NREP: variants seen among roughly 807,000 people sequenced by gnomAD.
NREP encodes neuronal regeneration related protein.
Under a neutral mutation model 8.6 loss-of-function variants are expected in NREP, and 5 were observed. The observed-to-expected ratio is 0.58, with a 90% CI of 0.30 to 1.22. The LOEUF is 1.22. NREP is among the 50% of genes most tolerant of loss of function. NREP has a pLI of 0.07. For synonymous variants in NREP, 27 were observed against 28.0 expected, an observed-to-expected ratio of 0.96 and a Z score of 0.11; for missense variants, 86 against 82.5, an observed-to-expected ratio of 1.04 and a Z score of -0.17.
chr5:111,964,258 T>G (rs895231524), intron 2 of NREP, among the ~76,000 whole-genome samples: 3 of 152,274 alleles, frequency 2.0e-5, no homozygotes, highest in African/African-American at 7.2e-5. Flanking sequence ...TATTTTGAGA[T>G]TTAACAAAGT....
At chr5:111,914,697 C>T (rs1201893330) in intron 2 of NREP, among the ~76,000 whole-genome samples, 1 of 152,028 alleles carries the variant, frequency 6.6e-6, no homozygotes, top group African/African-American at 2.4e-5. Flanking sequence ...CTGAGAGATC[C>T]TTTGTCTCAG....
At chr5:111,922,331 G>A (rs1260642581) in intron 2 of NREP, among the ~76,000 whole-genome samples, 3 of 152,076 alleles carry the variant, frequency 2.0e-5, no homozygotes, top group Non-Finnish European at 4.4e-5. Context: ...TAAATGAAGA[G>A]CCATTGTCAC....
chr5:111,737,267 C>G (rs1749210386), intron 2 of NREP, among the ~76,000 whole-genome samples: 1 of 152,190 alleles, frequency 6.6e-6, no homozygotes, highest in Non-Finnish European at 1.5e-5. Context: ...AGACTTATAA[C>G]AAAGTCACAG....
intron 2 of NREP, among the ~76,000 whole-genome samples, chr5:111,921,321 G>A (rs1755233098): frequency 6.6e-6 from 1 of 152,108 alleles, no homozygotes. Flanking sequence ...CAGGAGAATA[G>A]TGGTCCTGCC....
intron 2 of NREP, among the ~76,000 whole-genome samples, chr5:111,839,741 TTAA>T (rs1561688244): frequency 6.6e-6 from 1 of 152,132 alleles, no homozygotes; most frequent in Non-Finnish European, 1.5e-5. Context: ...ATATAAAGTC[TTAA>T]TAAATATTTA....
At chr5:111,903,900 A>C (rs1754712387) in intron 2 of NREP, among the ~76,000 whole-genome samples, 1 of 152,176 alleles carries the variant, frequency 6.6e-6, no homozygotes, top group Non-Finnish European at 1.5e-5. Flanking sequence ...CTGAAAGCTC[A>C]CAATTCCTGG....
intron 2 of NREP, among the ~76,000 whole-genome samples, chr5:111,893,182 A>T (rs537437780): frequency 2.0e-5 from 3 of 152,306 alleles, no homozygotes; most frequent in Non-Finnish European, 2.9e-5. Context: ...CAGCAGCTGC[A>T]AATAATTTCT....
intron 2 of NREP, among the ~76,000 whole-genome samples, chr5:111,964,368 T>C (rs1756567203): frequency 6.6e-6 from 1 of 152,128 alleles, no homozygotes; most frequent in Non-Finnish European, 1.5e-5. Flanking sequence ...ATTCCACTGT[T>C]TTGGGGGGGT....
intron 2 of NREP, among the ~76,000 whole-genome samples, chr5:111,789,453 T>G (rs112560756): frequency 6.6e-6 from 1 of 152,328 alleles, no homozygotes; most frequent in African/African-American, 2.4e-5. Context: ...AGAATAAAAA[T>G]TATTAGTGCC....
At chr5:111,920,363 T>C (rs1244130967) in intron 2 of NREP, among the ~76,000 whole-genome samples, 1 of 152,118 alleles carries the variant, frequency 6.6e-6, no homozygotes, top group African/African-American at 2.4e-5. Flanking sequence ...TACATATGTA[T>C]ACGTGTGTCA....
chr5:111,782,745 T>C (rs1290256280), intron 2 of NREP, among the ~76,000 whole-genome samples: 2 of 150,774 alleles, frequency 1.3e-5, no homozygotes, highest in South Asian at 4.2e-4. Context: ...CTTTTTTTTT[T>C]CTTTTTTTTT....
intron 2 of NREP, among the ~76,000 whole-genome samples, chr5:111,772,522 T>A (rs1581106066): frequency 1.3e-5 from 2 of 152,128 alleles, no homozygotes; most frequent in East Asian, 3.9e-4. Context: ...CAGCAAGTCA[T>A]GGTTTGGTTT....
chr5:111,770,665 G>C (rs1239574002), intron 2 of NREP, among the ~76,000 whole-genome samples: 1 of 142,340 alleles, frequency 7.0e-6, no homozygotes, highest in Non-Finnish European at 1.5e-5. Context: ...CCCCCTCCCA[G>C]GCTGAAGCCA....
intron 2 of NREP, among the ~76,000 whole-genome samples, chr5:111,835,370 A>G (rs957761132): frequency 6.6e-6 from 1 of 152,154 alleles, no homozygotes; most frequent in African/African-American, 2.4e-5. Flanking sequence ...ATAAGACCTT[A>G]TACCTGCCCA....
intron 2 of NREP, among the ~76,000 whole-genome samples, chr5:111,885,925 G>A (rs1754233679): frequency 6.6e-6 from 1 of 152,148 alleles, no homozygotes; most frequent in African/African-American, 2.4e-5. Context: ...AGGACTTCAT[G>A]TCTAAAACAC....
At chr5:111,805,542 TAACTG>T (rs1196170236) in intron 2 of NREP, among the ~76,000 whole-genome samples, 6 of 152,202 alleles carry the variant, frequency 3.9e-5, no homozygotes, top group Non-Finnish European at 8.8e-5. Flanking sequence ...AATATATTGT[TAACTG>T]AACAAAGCAA....
intron 1 of NREP, chr5:111,756,166 C>T (rs1750689965): frequency 2.9e-6 from 3 of 1,046,852 alleles, no homozygotes; most frequent in Non-Finnish European, 3.5e-6. Context: ...GCTCTTTGTT[C>T]CCAGACATAC....
chr5:111,801,191 A>G (rs1004328909), intron 2 of NREP, among the ~76,000 whole-genome samples: 1 of 152,244 alleles, frequency 6.6e-6, no homozygotes, highest in Non-Finnish European at 1.5e-5. Flanking sequence ...AGAATTTACA[A>G]TTACAAATGT....
chr5:111,907,310 T>C (rs780368211), intron 2 of NREP, among the ~76,000 whole-genome samples: 1 of 152,150 alleles, frequency 6.6e-6, no homozygotes, highest in Non-Finnish European at 1.5e-5. Flanking sequence ...GGTACTTTTA[T>C]AGTTTAATAT....
Sources: gnomAD v4.1 joint callset for allele counts (sites outside exome capture counted in the v4.1 genomes callset) on GRCh38, gnomAD v4.1.1 for gene constraint, MANE v1.5 for transcripts, NCBI Gene and HGNC (gene_info 2026-07-23, HGNC 2026-07-21) for gene names.